Variants in CD9 observed in about 807,000 individuals in gnomAD.
The protein encoded by CD9 is CD9 antigen.
In CD9, 10 loss-of-function variants were observed where a neutral mutation model predicts 31.4. The observed-to-expected ratio is 0.32, with a 90% confidence interval of 0.20 to 0.54. CD9 has a LOEUF of 0.54. Ranked by LOEUF, CD9 falls within the 20% of genes least tolerant of loss-of-function variation. CD9 has a pLI of 0.94. For synonymous variants in CD9, 113 were observed against 114.1 expected (o/e 0.99, Z 0.06); for missense variants, 259 against 300.1 (o/e 0.86, Z 1.01).
intron 1 of CD9, among the ~76,000 whole-genome samples, chr12:6,213,843 T>A (rs1366653452): frequency 1.3e-5 from 2 of 152,050 alleles, no homozygotes; most frequent in African/African-American, 4.8e-5. Context: ...CTTCCCTCCC[T>A]CCCTCTTGGC....
intron 1 of CD9, among the ~76,000 whole-genome samples, chr12:6,209,615 T>C (rs1946170220): frequency 6.6e-6 from 1 of 151,822 alleles, no homozygotes; most frequent in South Asian, 2.1e-4. Context: ...TTTCCTCCTC[T>C]CTAGTCAAAT....
intron 3 of CD9, chr12:6,233,025 C>T: frequency 1.4e-6 from 1 of 702,388 alleles, no homozygotes. Flanking sequence ...CCTTCTCCTT[C>T]TTGTTTCAAA....
intron 2 of CD9, among the ~76,000 whole-genome samples, chr12:6,226,633 G>A (rs3181159): frequency 0.016 from 2,412 of 152,254 alleles, 69 homozygotes; most frequent in African/African-American, 0.056. Context: ...TTTGAGCCCT[G>A]TGGATAGTTT....
At chr12:6,223,755 T>C (rs894225583) in intron 1 of CD9, among the ~76,000 whole-genome samples, 1 of 152,162 alleles carries the variant, frequency 6.6e-6, no homozygotes, top group African/African-American at 2.4e-5. Context: ...GTGCTCTTGG[T>C]CGGGGAACCC....
chr12:6,227,724 G>C (rs886152783), intron 2 of CD9, among the ~76,000 whole-genome samples: 2 of 152,204 alleles, frequency 1.3e-5, no homozygotes, highest in Admixed American at 6.5e-5. Flanking sequence ...TTCTCGGGTT[G>C]TCATTGCCAG....
In CD9 at chr12:6,200,428, G is replaced by A; in HGVS notation, c.-72G>A. On this transcript the variant is annotated 5_prime_UTR_variant, in exon 1 of 8. Coordinates refer to ENST00000009180, the MANE Select transcript of CD9 (RefSeq NM_001769.4). The stretch of plus-strand genomic sequence containing the variant: ...CGCCTGCATCTGTATCCAGCGCCAG[G>A]TCCCGCCAGTCCCAGCTGCGCGCGC... 1 of 980,004 alleles carries A rather than the reference G, an allele frequency of 1.0e-6. No individual in the cohort carries two copies. Among genetic ancestry groups the A allele is most frequent in the Non-Finnish European group, 1.6e-6 (1 of 607,924 alleles). The allele number at this position is 980,004 out of a possible 1,614,324, so 60.7% of individuals were successfully genotyped here. A position where few individuals can be genotyped will look rare whatever the true frequency, so the allele number is the denominator to read the frequency against.
intron 3 of CD9, 134 bp from the exon 4 acceptor site, chr12:6,233,278 G>A (rs1946474710): frequency 4.3e-6 from 3 of 697,062 alleles, no homozygotes; most frequent in Non-Finnish European, 7.8e-6. Flanking sequence ...CCCTGCCCCT[G>A]CTAGGCTATT....
chr12:6,212,642 G>T (rs1273178265), intron 1 of CD9, among the ~76,000 whole-genome samples: 1 of 152,240 alleles, frequency 6.6e-6, no homozygotes, highest in Admixed American at 6.5e-5. Flanking sequence ...CACCAACAAT[G>T]CAGGCAGCTC....
At chr12:6,215,039 C>T (rs763850099) in intron 1 of CD9, among the ~76,000 whole-genome samples, 11 of 152,174 alleles carry the variant, frequency 7.2e-5, no homozygotes, top group Non-Finnish European at 1.3e-4. Context: ...TTAATGGTCA[C>T]AATGCCGCAT....
intron 1 of CD9, among the ~76,000 whole-genome samples, chr12:6,217,894 C>G (rs1032508460): frequency 6.6e-6 from 1 of 152,142 alleles, no homozygotes; most frequent in African/African-American, 2.4e-5. Flanking sequence ...CTTTCCAAGG[C>G]AGCTGAATAG....
rs781607093 is a variant in CD9 at position 6,237,816 on chromosome 12, C to T, written c.675C>T (p.Arg225=). The part of the protein sequence containing the change: ...MILCCAIRRN[R]EMV The stretch of plus-strand genomic sequence containing the variant: ...TGTGCTGTGCTATCCGCAGGAACCG[C>T]GAGATGGTCTAGAGTCAGCTTACAT... The change falls in exon 8 of 8, where the codon CGC becomes CGT. Residue 225 remains arginine (R), a synonymous_variant. Transcript: ENST00000009180. The T allele has an allele frequency of 3.7e-6, 6 of 1,612,328 alleles. No individual in the cohort carries two copies. Among genetic ancestry groups the T allele is most frequent in the African/African-American group, 1.3e-5 (1 of 74,888 alleles).
chr12:6,223,853 T>C (rs921949453), intron 1 of CD9, among the ~76,000 whole-genome samples: 1 of 152,162 alleles, frequency 6.6e-6, no homozygotes, highest in Non-Finnish European at 1.5e-5. Context: ...TTGCTGCCTT[T>C]GGATTAGGCC....
intron 2 of CD9, among the ~76,000 whole-genome samples, chr12:6,227,824 C>T (rs1308181531): frequency 6.6e-6 from 1 of 152,202 alleles, no homozygotes; most frequent in Non-Finnish European, 1.5e-5. Flanking sequence ...TGTCTTGGCC[C>T]TTTTACTTCA....
At chr12:6,226,974 A>G (rs1483690831) in intron 2 of CD9, among the ~76,000 whole-genome samples, 1 of 152,206 alleles carries the variant, frequency 6.6e-6, no homozygotes, top group African/African-American at 2.4e-5. Flanking sequence ...GAGCAGGCAC[A>G]GTCAGGCCTG....
chr12:6,228,449 G>C (rs991605034), intron 2 of CD9, among the ~76,000 whole-genome samples: 2 of 151,440 alleles, frequency 1.3e-5, no homozygotes, highest in Non-Finnish European at 2.9e-5. Context: ...CTACTCGGGA[G>C]GCTGAGGCAC....
At chr12:6,219,494 T>A (rs1387960382) in intron 1 of CD9, among the ~76,000 whole-genome samples, 3 of 151,938 alleles carry the variant, frequency 2.0e-5, no homozygotes, top group Non-Finnish European at 4.4e-5. Flanking sequence ...GTTTCTTTTT[T>A]TTTTCTTTTG....
chr12:6,211,121 C>A (rs1946190009), intron 1 of CD9, among the ~76,000 whole-genome samples: 1 of 152,150 alleles, frequency 6.6e-6, no homozygotes, highest in African/African-American at 2.4e-5. Context: ...CAGGCTTGAG[C>A]CACCGTGCCC....
intron 1 of CD9, among the ~76,000 whole-genome samples, chr12:6,207,385 G>C (rs1469536863): frequency 1.3e-5 from 2 of 152,194 alleles, no homozygotes; most frequent in Non-Finnish European, 2.9e-5. Context: ...AGCTCAGATG[G>C]GACAGCTGGC....
chr12:6,236,165 AC>A, intron 6 of CD9, 26 bp from the exon 7 acceptor site: 1 of 1,613,672 alleles, frequency 6.2e-7, no homozygotes, highest in Non-Finnish European at 8.5e-7. Context: ...ATTGTGTGTG[AC>A]CCAGGTCTTG....
Sources: allele counts gnomAD v4.1 joint callset (sites outside exome capture counted in the v4.1 genomes callset), GRCh38; gene constraint gnomAD v4.1.1; transcripts MANE v1.5; gene names NCBI Gene and HGNC (gene_info 2026-07-23, HGNC 2026-07-21).